The following CYP2B6 variants were observed in gnomAD, a reference collection of about 807,000 sequenced individuals.
CYP2B6 encodes the protein cytochrome P450 2B6.
Under a neutral mutation model 43.4 loss-of-function variants are expected in CYP2B6, and 35 were observed. That is an observed-to-expected ratio of 0.81 (90% CI 0.62 to 1.07). The LOEUF is 1.07. CYP2B6 is among the 50% of genes least tolerant of loss of function. The pLI, the probability that CYP2B6 is intolerant of heterozygous loss-of-function variation, is 0.00. For missense variants in CYP2B6, 624 were observed against 632.8 expected (o/e 0.99, Z 0.15); for synonymous variants, 239 against 239.2 (o/e 1.00, Z 0.01).
chr19:41,000,286 T>C (rs3786547), intron 1 of CYP2B6, among the ~76,000 whole-genome samples: 43,975 of 152,078 alleles, frequency 0.29, 6,932 homozygotes, highest in African/African-American at 0.38. Flanking sequence ...CCTGTGATCC[T>C]GTGGCTGAGC....
At chr19:40,998,213 G>C (rs1448716054) in intron 1 of CYP2B6, among the ~76,000 whole-genome samples, 1 of 152,070 alleles carries the variant, frequency 6.6e-6, no homozygotes, top group African/African-American at 2.4e-5. Flanking sequence ...CTCTCTAAGG[G>C]TTTTTTCCCA....
At chr19:41,016,617 C>G in intron 8 of CYP2B6, 29 bp from the exon 9 acceptor site, 1 of 1,613,066 alleles carries the variant, frequency 6.2e-7, no homozygotes, top group Non-Finnish European at 8.5e-7. Flanking sequence ...CTGCCCTGTG[C>G]CCACACTGGT....
At chr19:40,999,769 G>A (rs1413790853) in intron 1 of CYP2B6, among the ~76,000 whole-genome samples, 2 of 152,058 alleles carry the variant, frequency 1.3e-5, no homozygotes, top group Non-Finnish European at 2.9e-5. Context: ...GCTCACTGCA[G>A]CCTTGAACTC....
At chr19:41,011,899 T>G (rs1969290119) in intron 6 of CYP2B6, among the ~76,000 whole-genome samples, 1 of 152,192 alleles carries the variant, frequency 6.6e-6, no homozygotes, top group Non-Finnish European at 1.5e-5. Context: ...CTATAGGTTT[T>G]TCATTGGTCA....
chr19:41,010,407 TG>T (rs1969263673), intron 6 of CYP2B6, among the ~76,000 whole-genome samples: 1 of 147,678 alleles, frequency 6.8e-6, no homozygotes, highest in African/African-American at 2.6e-5. Context: ...TTTTGTTTTT[TG>T]GTTTTTTTTT....
chr19:41,009,844 T>C lies in CYP2B6; in HGVS notation c.823-150T>C, dbSNP rs1357324847. 4.3e-4 allele frequency: 330 copies of C among 769,654 alleles called. No individual in the cohort carries two copies. The African/African-American group carries it at 4.7e-3, about 11-fold the overall frequency. 47.7% of individuals were successfully genotyped at this position (769,654 alleles called of 1,614,324 possible). On this transcript the variant is annotated intron_variant, in intron 5 of 8. Coordinates refer to ENST00000324071, the MANE Select transcript of CYP2B6 (RefSeq NM_000767.5). The stretch of plus-strand genomic sequence containing the variant: ...AGAGAGATGAGTTAGAGATACGCGG[T>C]TGGATGTGTAGAGGACAGAGAAAAG...
intron 8 of CYP2B6, among the ~76,000 whole-genome samples, chr19:41,016,422 A>C (rs1292155641): frequency 7.0e-6 from 1 of 142,030 alleles, no homozygotes; most frequent in Non-Finnish European, 1.5e-5. Context: ...AAAAAAAAAA[A>C]AAAAAAAAAA....
chr19:41,010,285 A>G (rs1249376151), intron 6 of CYP2B6, 150 bp downstream of exon 6: 3 of 872,576 alleles, frequency 3.4e-6, no homozygotes, highest in East Asian at 2.6e-5. Context: ...AACCAAGCCA[A>G]TTCTGTTGGT....
chr19:41,000,310 T>C (rs1969065126), intron 1 of CYP2B6, among the ~76,000 whole-genome samples: 1 of 152,120 alleles, frequency 6.6e-6, no homozygotes, highest in African/African-American at 2.4e-5. Flanking sequence ...CCCTCACACT[T>C]CCAGACAAGG....
rs147723616 is a variant in CYP2B6 at position 41,001,717 on chromosome 19, C to G, written c.172-2284C>G. On this transcript the variant is annotated intron_variant, in intron 1 of 8. Coordinates refer to ENST00000324071, the MANE Select transcript of CYP2B6 (RefSeq NM_000767.5). ...CCAATAACAATTCACTGGGCACTTT[C>G]TATGTACCAGGAAATAGTCTAGGAA... 9.2e-5 allele frequency among the ~76,000 whole-genome samples: 14 copies of G among 152,224 alleles called. No homozygotes were observed. In the East Asian group the frequency reaches 1.9e-3, roughly 21 times the overall value.
At chr19:41,014,895 G>T (rs1051787494) in intron 8 of CYP2B6, among the ~76,000 whole-genome samples, 1 of 151,444 alleles carries the variant, frequency 6.6e-6, no homozygotes, top group African/African-American at 2.4e-5. Context: ...AGGGAAAGGA[G>T]AGAAACAGAA....
chr19:41,009,584 A>C, intron 5 of CYP2B6, 189 bp downstream of exon 5: 1 of 665,298 alleles, frequency 1.5e-6, no homozygotes, highest in Non-Finnish European at 2.6e-6. Flanking sequence ...AGGAGGGAGA[A>C]AATAGGGAGG....
In CYP2B6 at chr19:41,012,488, A is replaced by G. The variant is rs1969300613; in HGVS notation, c.1152+3A>G. ...TCCGAGGGTACATCATCCCCAAGGT[A>G]AGACCGGCTGGAACCCCATAGCCCT... On this transcript the variant is annotated splice_donor_region_variant and intron_variant, in intron 7 of 8. Coordinates refer to ENST00000324071, the MANE Select transcript of CYP2B6 (RefSeq NM_000767.5). The G allele has an allele frequency of 9.3e-6, 15 of 1,614,094 alleles. No homozygotes were observed. The highest frequency in any genetic ancestry group is 1.3e-5 in the Non-Finnish European group (15 of 1,179,938).
chr19:40,991,315 A>T lies in CYP2B6; in HGVS notation c.10A>T (p.Ser4Cys). The T allele has an allele frequency of 6.2e-7, 1 of 1,614,086 alleles. No individual in the cohort carries two copies. The highest frequency in any genetic ancestry group is 8.5e-7 in the Non-Finnish European group (1 of 1,180,024). The change falls in exon 1 of 9, where the codon AGC (serine) becomes TGC (cysteine). Residue 4 changes from serine to cysteine, a missense_variant. Transcript: ENST00000324071. MEL[S>C]VLLFLALLTG... ...CAGTCAGACCAGGACCATGGAACTC[A>T]GCGTCCTCCTCTTCCTTGCACTCCT...
chr19:41,009,620 A>C (rs191872521), intron 5 of CYP2B6: 7 of 626,966 alleles, frequency 1.1e-5, no homozygotes, highest in Non-Finnish European at 2.0e-5. Flanking sequence ...GAGAGAGGGG[A>C]GGTGGGAAGA....
At chr19:41,006,441 C>A (rs1969188306) in intron 3 of CYP2B6, among the ~76,000 whole-genome samples, 1 of 151,368 alleles carries the variant, frequency 6.6e-6, no homozygotes, top group Non-Finnish European at 1.5e-5. Context: ...GGTATGGGCC[C>A]CTGTGCCCAC....
At chr19:41,007,981 A>G (rs111688353) in intron 4 of CYP2B6, among the ~76,000 whole-genome samples, 1,657 of 151,912 alleles carry the variant, frequency 0.011, 18 homozygotes, top group Non-Finnish European at 0.015. Flanking sequence ...CTCTCCACCT[A>G]AAGAAAATGA....
In CYP2B6 at chr19:41,009,985, T is replaced by C. The variant is rs752785713; in HGVS notation, c.823-9T>C. 1.7e-5 allele frequency: 28 copies of C among 1,614,034 alleles called. No homozygotes were observed. The African/African-American group carries it at 2.8e-4, about 16-fold the overall frequency. On this transcript the variant is annotated splice_polypyrimidine_tract_variant and intron_variant, in intron 5 of 8. Coordinates refer to ENST00000324071, the MANE Select transcript of CYP2B6 (RefSeq NM_000767.5). The stretch of plus-strand genomic sequence containing the variant: ...TGACCCTCCCCTTCCTTCCCTACTG[T>C]GGACGCAGGAGAAATCCAACGCACA...
At chr19:40,999,787 C>T (rs1350040111) in intron 1 of CYP2B6, among the ~76,000 whole-genome samples, 1 of 152,006 alleles carries the variant, frequency 6.6e-6, no homozygotes, top group African/African-American at 2.4e-5. Flanking sequence ...CTCCTGTGCT[C>T]AGGAGATTCT....
Sources: gnomAD v4.1 joint callset for allele counts (sites outside exome capture counted in the v4.1 genomes callset) on GRCh38, gnomAD v4.1.1 for gene constraint, MANE v1.5 for transcripts, NCBI Gene and HGNC (gene_info 2026-07-23, HGNC 2026-07-21) for gene names.